OSBPL1A: variants seen among roughly 807,000 people sequenced by gnomAD.
OSBPL1A encodes the protein oxysterol binding protein like 1A.
Under a neutral mutation model 137.1 loss-of-function variants are expected in OSBPL1A, and 80 were observed. The observed-to-expected ratio is 0.58, with a 90% CI of 0.49 to 0.70. The LOEUF (loss-of-function observed/expected upper bound fraction) is 0.70. Ranked by LOEUF, OSBPL1A falls within the 30% of genes least tolerant of loss-of-function variation. The pLI is 0.00. For synonymous variants in OSBPL1A, 365 were observed against 389.7 expected (o/e 0.94, Z 0.75); for missense variants, 970 against 1,129.4 (o/e 0.86, Z 2.02).
chr18:24,224,117 C>G (rs975714486), intron 17 of OSBPL1A, among the ~76,000 whole-genome samples: 1 of 152,020 alleles, frequency 6.6e-6, no homozygotes, highest in African/African-American at 2.4e-5. Flanking sequence ...ACCTAAAACT[C>G]ACTAATCTTT....
At chr18:24,341,748 C>A in intron 4 of OSBPL1A, 90 bp from the exon 5 acceptor site, 1 of 750,068 alleles carries the variant, frequency 1.3e-6, no homozygotes, top group Non-Finnish European at 2.1e-6. Context: ...TACAGAGTCT[C>A]CACAATAGAA....
At chr18:24,175,054 T>C (rs1047586041) in intron 21 of OSBPL1A, among the ~76,000 whole-genome samples, 3 of 146,120 alleles carry the variant, frequency 2.1e-5, no homozygotes, top group East Asian at 4.0e-4. Context: ...ACTGGAATTA[T>C]AGGTGTGAGC....
chr18:24,175,137 C>CATATATATATATATAT (rs57325245), intron 21 of OSBPL1A, among the ~76,000 whole-genome samples: 3 of 51,794 alleles, frequency 5.8e-5, no homozygotes, highest in Admixed American at 1.8e-4. Context: ...TATATATATA[C>CATATATATATATATAT]ACATATATAT....
chr18:24,314,393 G>T lies in OSBPL1A; in HGVS notation c.871-46C>A, dbSNP rs777132467. On this transcript the variant is annotated intron_variant, in intron 11 of 27. Transcript: ENST00000319481. ...TAAGACAACATTCATTCACATAAAA[G>T]AGGACCCTAAAATTATCTATACATA... The T allele has an allele frequency of 6.1e-6, 8 of 1,317,890 alleles. No individual in the cohort carries two copies. The South Asian group carries it at 9.1e-5, about 15-fold the overall frequency. 81.6% of individuals were successfully genotyped at this position (1,317,890 alleles called of 1,614,324 possible).
intron 18 of OSBPL1A, among the ~76,000 whole-genome samples, chr18:24,192,855 A>C (rs2086925051): frequency 6.6e-6 from 1 of 152,244 alleles, no homozygotes; most frequent in East Asian, 1.9e-4. Context: ...ATAAAATGAT[A>C]TCATCATAGC....
chr18:24,178,401 C>T (rs1227938676), intron 20 of OSBPL1A, among the ~76,000 whole-genome samples: 3 of 152,074 alleles, frequency 2.0e-5, no homozygotes, highest in African/African-American at 7.2e-5. Context: ...AAGCACTTCT[C>T]CTCCCTCAGC....
intron 4 of OSBPL1A, among the ~76,000 whole-genome samples, chr18:24,343,874 T>C (rs2091305401): frequency 6.6e-6 from 1 of 151,884 alleles, no homozygotes; most frequent in African/African-American, 2.4e-5. Flanking sequence ...GAAGAAAAAA[T>C]ACCAAGAAAG....
At chr18:24,270,985 AC>A (rs2089704434) in intron 15 of OSBPL1A, among the ~76,000 whole-genome samples, 1 of 152,088 alleles carries the variant, frequency 6.6e-6, no homozygotes, top group Admixed American at 6.5e-5. Flanking sequence ...AAAGCACAAA[AC>A]AACTAGCCAC....
intron 4 of OSBPL1A, among the ~76,000 whole-genome samples, chr18:24,365,197 A>T (rs184307097): frequency 7.2e-5 from 11 of 152,342 alleles, no homozygotes; most frequent in Admixed American, 2.6e-4. Flanking sequence ...AAAAAAGACC[A>T]AACTACTGAT....
intron 4 of OSBPL1A, chr18:24,358,500 C>T: frequency 1.4e-6 from 1 of 702,360 alleles, no homozygotes; most frequent in Non-Finnish European, 2.6e-6. Context: ...CTCAGCTTCC[C>T]TGAGAACAGA....
At chr18:24,390,985 A>G (rs1907315052) in intron 1 of OSBPL1A, among the ~76,000 whole-genome samples, 1 of 152,078 alleles carries the variant, frequency 6.6e-6, no homozygotes, top group Non-Finnish European at 1.5e-5. Context: ...CTGTAGTCCC[A>G]GCTACTGGGG....
At chr18:24,247,285 A>C (rs1243563435) in intron 15 of OSBPL1A, among the ~76,000 whole-genome samples, 1 of 152,196 alleles carries the variant, frequency 6.6e-6, no homozygotes, top group Non-Finnish European at 1.5e-5. Flanking sequence ...CACTGATGAG[A>C]GATCAACTGC....
At chr18:24,331,385 T>A (rs1406954480) in intron 7 of OSBPL1A, among the ~76,000 whole-genome samples, 1 of 149,786 alleles carries the variant, frequency 6.7e-6, no homozygotes, top group Non-Finnish European at 1.5e-5. Flanking sequence ...AAGGCCCTGA[T>A]GGCATGTTCC....
At chr18:24,365,289 A>T (rs921226297) in intron 4 of OSBPL1A, among the ~76,000 whole-genome samples, 1 of 152,174 alleles carries the variant, frequency 6.6e-6, no homozygotes, top group Non-Finnish European at 1.5e-5. Flanking sequence ...GATACTGTTT[A>T]CAAGAAATGT....
intron 4 of OSBPL1A, among the ~76,000 whole-genome samples, chr18:24,350,728 C>A (rs2091424111): frequency 1.3e-5 from 2 of 152,126 alleles, no homozygotes; most frequent in South Asian, 4.1e-4. Context: ...ACAATACCTC[C>A]AAAATTCTGA....
intron 13 of OSBPL1A, among the ~76,000 whole-genome samples, chr18:24,311,296 C>A (rs996892799): frequency 2.0e-5 from 3 of 152,148 alleles, no homozygotes; most frequent in Non-Finnish European, 4.4e-5. Context: ...TAGGCAAATT[C>A]ATATATCCTG....
intron 7 of OSBPL1A, among the ~76,000 whole-genome samples, chr18:24,327,023 C>T (rs1386988517): frequency 2.0e-5 from 3 of 151,756 alleles, no homozygotes; most frequent in Non-Finnish European, 4.4e-5. Context: ...TGTGGCTATG[C>T]TTGGGTAATT....
intron 14 of OSBPL1A, among the ~76,000 whole-genome samples, chr18:24,281,643 G>A (rs951261852): frequency 2.0e-5 from 3 of 152,164 alleles, no homozygotes; most frequent in South Asian, 2.1e-4. Context: ...CGCCCACCTC[G>A]GCCTTGCAAA....
intron 26 of OSBPL1A, among the ~76,000 whole-genome samples, chr18:24,165,751 G>C (rs1364211660): frequency 6.6e-6 from 1 of 152,104 alleles, no homozygotes; most frequent in Non-Finnish European, 1.5e-5. Flanking sequence ...TCCTTGGGGG[G>C]AAAAATGCCC....
Sources: allele counts gnomAD v4.1 joint callset (sites outside exome capture counted in the v4.1 genomes callset), GRCh38; gene constraint gnomAD v4.1.1; transcripts MANE v1.5; gene names NCBI Gene and HGNC (gene_info 2026-07-23, HGNC 2026-07-21).